The following CNGB1 variants were observed in gnomAD, a reference collection of about 807,000 sequenced individuals.
CNGB1 encodes the protein cyclic nucleotide-gated channel beta-1.
Under a neutral mutation model 151.7 loss-of-function variants are expected in CNGB1, and 126 were observed. That is an observed-to-expected ratio of 0.83 (90% CI 0.72 to 0.96). CNGB1 has a LOEUF of 0.96. CNGB1 is among the 40% of genes least tolerant of loss of function. The probability of loss-of-function intolerance (pLI) is 0.00; values close to 1 mark genes in which losing one functional copy is unlikely to be tolerated. For synonymous variants in CNGB1, 623 were observed against 635.1 expected, an observed-to-expected ratio of 0.98 and a Z score of 0.29; for missense variants, 1,698 against 1,627.0, an observed-to-expected ratio of 1.04 and a Z score of -0.75.
chr16:57,943,634 C>T (rs1262061493), intron 14 of CNGB1, among the ~76,000 whole-genome samples: 1 of 152,146 alleles, frequency 6.6e-6, no homozygotes, highest in Non-Finnish European at 1.5e-5. Flanking sequence ...TGCACCATTG[C>T]ACTCCAGCTG....
chr16:57,920,985 C>A (rs1331587374), intron 18 of CNGB1, among the ~76,000 whole-genome samples: 2 of 152,122 alleles, frequency 1.3e-5, no homozygotes, highest in Admixed American at 1.3e-4. Context: ...GTGGAAAAAG[C>A]AGTGCAGATA....
chr16:57,935,045 C>CAA (rs559447701), intron 16 of CNGB1, among the ~76,000 whole-genome samples: 4 of 113,534 alleles, frequency 3.5e-5, no homozygotes, highest in Non-Finnish European at 5.6e-5. Flanking sequence ...GACTCCATCT[C>CAA]AAAAAAAAAA....
At chr16:57,949,320 G>A in intron 14 of CNGB1, 33 bp downstream of exon 14, 1 of 1,604,334 alleles carries the variant, frequency 6.2e-7, no homozygotes, top group South Asian at 1.1e-5. Context: ...CCAGCCCCAG[G>A]GCCGTTCCCA....
chr16:57,905,394 C>T (rs78944872), intron 25 of CNGB1, among the ~76,000 whole-genome samples: 8,395 of 152,308 alleles, frequency 0.055, 389 homozygotes, highest in East Asian at 0.16. Context: ...AGGGAAAGGG[C>T]ACACCCGTGG....
At chr16:57,955,055 C>G in intron 12 of CNGB1, 6 of 1,303,620 alleles carry the variant, frequency 4.6e-6, no homozygotes, top group Non-Finnish European at 5.9e-6. Flanking sequence ...GGCTATGGGC[C>G]TTTTCCACAG....
intron 28 of CNGB1, 34 bp from the exon 29 acceptor site, chr16:57,901,469 GAGA>G (rs1960385668): frequency 6.2e-7 from 1 of 1,613,802 alleles, no homozygotes; most frequent in Non-Finnish European, 8.5e-7. Context: ...GAACTTTTTA[GAGA>G]AGATTGGGCT....
chr16:57,911,811 C>T lies in CNGB1; in HGVS notation c.2434G>A (p.Ala812Thr). The T allele has an allele frequency of 6.2e-7, 1 of 1,614,072 alleles. No individual in the cohort carries two copies. Among genetic ancestry groups the T allele is most frequent in the East Asian group, 2.2e-5 (1 of 44,882 alleles). Residue 812 changes from alanine (A) to threonine (T), a missense_variant, in exon 25 of 33, where the codon GCA becomes ACA. Physicochemically the swap from Ala to Thr is moderately conservative, Grantham distance 58 (BLOSUM62 0). Transcript: ENST00000251102. Reference protein sequence around the residue: ...LHLNSCLYYWASAYQGLGSTH... With the variant: ...LHLNSCLYYWTSAYQGLGSTH... ...GAGCCGAGGCCCTGATAGGCCGATGCCCAGTAATAAAGACAGGAATTCAAA... is the reference window on the plus strand; with the variant it reads ...GAGCCGAGGCCCTGATAGGCCGATGTCCAGTAATAAAGACAGGAATTCAAA...
At chr16:57,909,161 G>A (rs750713373) in intron 25 of CNGB1, among the ~76,000 whole-genome samples, 24 of 152,116 alleles carry the variant, frequency 1.6e-4, no homozygotes, top group Non-Finnish European at 2.5e-4. Context: ...CCAGCTACTC[G>A]GGAGACTGAG....
chr16:57,923,912 A>G (rs1293448530), intron 17 of CNGB1, among the ~76,000 whole-genome samples: 1 of 152,100 alleles, frequency 6.6e-6, no homozygotes, highest in Non-Finnish European at 1.5e-5. Context: ...GGTAAGTCCC[A>G]TCCCCTCCTG....
rs1961090509 is a variant in CNGB1, at chr16:57,923,170, C to A, written c.1643+103G>T. ...ACTGCTCGGAAGCCACTGGCAAAGT[C>A]TGCCTTGCGGTAGAAGGTTCTAAAA... On this transcript the variant is annotated intron_variant, in intron 18 of 32. Transcript: ENST00000251102. The A allele has an allele frequency of 3.7e-5, 31 of 842,200 alleles. No individual in the cohort carries two copies. The South Asian group carries it at 4.8e-4, about 13-fold the overall frequency. The allele number at this position is 842,200 out of a possible 1,614,324, so 52.2% of individuals were successfully genotyped here. A position where few individuals can be genotyped will look rare whatever the true frequency, so the allele number is the denominator to read the frequency against.
At chr16:57,918,644 G>A (rs1960945296) in intron 20 of CNGB1, among the ~76,000 whole-genome samples, 1 of 152,138 alleles carries the variant, frequency 6.6e-6, no homozygotes, top group Non-Finnish European at 1.5e-5. Context: ...TGACTTATCT[G>A]TACCTTAGTT....
chr16:57,920,407 T>C lies in CNGB1; in HGVS notation c.1781A>G (p.Asp594Gly), dbSNP rs1251693672. 4 of 1,614,046 alleles carry C rather than the reference T, an allele frequency of 2.5e-6. No individual in the cohort carries two copies. The highest frequency in any genetic ancestry group is 1.3e-5 in the African/African-American group (1 of 74,922). ...EKLIDPDVTS[D>G]EESPKPSPAK... The stretch of plus-strand genomic sequence containing the variant: ...CTCACAGGGCTTGGGGCTCTCCTCA[T>C]CAGAGGTGACGTCAGGGTCAATGAG... The change falls in exon 19 of 33, where the codon GAT becomes GGT. Residue 594 changes from aspartate (D) to glycine (G), a missense_variant. Transcript: ENST00000251102.
chr16:57,949,473 C>A, intron 13 of CNGB1, 34 bp from the exon 14 acceptor site: 1 of 1,612,632 alleles, frequency 6.2e-7, no homozygotes, highest in South Asian at 1.1e-5. Flanking sequence ...GGTGAGCCCA[C>A]CCGAAGCTGC....
Position 57,940,310 on chromosome 16 carries a change from T to G in CNGB1, c.1133A>C (p.Asp378Ala). ...EEEEVTEVLL[D>A]SCVVSQVGVG... ...GCCCACCTGCGACACCACACAGCTATCCAGCAGCACCCTGTGACCCGGGGC... is the reference window on the plus strand; with the variant it reads ...GCCCACCTGCGACACCACACAGCTAGCCAGCAGCACCCTGTGACCCGGGGC... Residue 378 changes from aspartate to alanine, a missense_variant, in exon 15 of 33, where the codon GAT (aspartate) becomes GCT (alanine). By Grantham distance (126) the Asp-to-Ala change is moderately radical (BLOSUM62 -2). Transcript: ENST00000251102. 2 of 1,581,818 alleles carry G rather than the reference T, an allele frequency of 1.3e-6. No individual in the cohort carries two copies. The highest frequency in any genetic ancestry group is 2.3e-5 in the South Asian group (2 of 86,452).
At chr16:57,914,018 T>G (rs1960799861) in intron 23 of CNGB1, among the ~76,000 whole-genome samples, 1 of 152,198 alleles carries the variant, frequency 6.6e-6, no homozygotes, top group Non-Finnish European at 1.5e-5. Flanking sequence ...AAAATAGTAT[T>G]TATGAAGATT....
At chr16:57,948,887 A>T (rs1465165856) in intron 14 of CNGB1, among the ~76,000 whole-genome samples, 1 of 152,240 alleles carries the variant, frequency 6.6e-6, no homozygotes, top group African/African-American at 2.4e-5. Flanking sequence ...ACTGGGCAGT[A>T]GAGCAGAATC....
intron 12 of CNGB1, among the ~76,000 whole-genome samples, chr16:57,953,691 C>T (rs780171622): frequency 6.6e-6 from 1 of 151,976 alleles, no homozygotes; most frequent in Non-Finnish European, 1.5e-5. Flanking sequence ...TACCTCCTTC[C>T]TCTGCCTCTC....
intron 25 of CNGB1, among the ~76,000 whole-genome samples, chr16:57,908,676 G>T (rs1165034994): frequency 2.6e-5 from 4 of 152,182 alleles, no homozygotes; most frequent in Non-Finnish European, 4.4e-5. Flanking sequence ...GGCAGCTCTA[G>T]GAGTCACACT....
At chr16:57,915,897 C>CAA (rs36093437) in intron 22 of CNGB1, among the ~76,000 whole-genome samples, 10,676 of 103,016 alleles carry the variant, frequency 0.1, 662 homozygotes, top group African/African-American at 0.2. Flanking sequence ...GACCCTGTCT[C>CAA]AAAAAAAAAA....
Sources: allele counts gnomAD v4.1 joint callset (sites outside exome capture counted in the v4.1 genomes callset), GRCh38; gene constraint gnomAD v4.1.1; transcripts MANE v1.5; gene names NCBI Gene and HGNC (gene_info 2026-07-23, HGNC 2026-07-21).